Variants in RORA observed in about 807,000 individuals in gnomAD.
RORA encodes RAR related orphan receptor A.
Under a neutral mutation model 69.5 loss-of-function variants are expected in RORA, and 7 were observed. The ratio of observed to expected loss-of-function variants is 0.10; its 90% CI spans 0.06 to 0.19. The LOEUF (loss-of-function observed/expected upper bound fraction) is 0.19, where lower values mean the gene tolerates loss of function less well. RORA is among the 10% of genes least tolerant of loss of function. The pLI, the probability that RORA is intolerant of heterozygous loss-of-function variation, is 1.00. For missense variants in RORA, 457 were observed against 663.0 expected (o/e 0.69, Z 3.41); for synonymous variants, 261 against 240.8 (o/e 1.08, Z -0.78).
At chr15:61,146,292 C>G (rs2079348017) in intron 1 of RORA, among the ~76,000 whole-genome samples, 1 of 150,006 alleles carries the variant, frequency 6.7e-6, no homozygotes, top group African/African-American at 2.5e-5. Context: ...TCACTGCCGA[C>G]CATCTGTTGT....
chr15:60,987,387 G>C (rs928703100), intron 1 of RORA, among the ~76,000 whole-genome samples: 9 of 152,142 alleles, frequency 5.9e-5, no homozygotes, highest in Non-Finnish European at 1.3e-4. Flanking sequence ...AAACAGTACT[G>C]CATGATGGGA....
intron 1 of RORA, among the ~76,000 whole-genome samples, chr15:61,043,760 G>A (rs1896893819): frequency 6.6e-6 from 1 of 152,146 alleles, no homozygotes; most frequent in Non-Finnish European, 1.5e-5. Flanking sequence ...GAAGGCAGGA[G>A]GCAAGGAAGC....
intron 1 of RORA, among the ~76,000 whole-genome samples, chr15:60,796,683 T>G (rs1450645388): frequency 1.3e-5 from 2 of 152,184 alleles, no homozygotes; most frequent in South Asian, 4.2e-4. Context: ...CACTCCTAGG[T>G]ATATACCCAA....
At chr15:60,558,844 TTGAC>T (rs1237117627) in intron 2 of RORA, among the ~76,000 whole-genome samples, 6 of 141,980 alleles carry the variant, frequency 4.2e-5, no homozygotes, top group African/African-American at 9.1e-5. Context: ...ATTTTTGGCT[TTGAC>T]TGTGCCAATC....
chr15:61,039,237 T>C (rs1237033007), intron 1 of RORA: 1 of 152,182 alleles, frequency 6.6e-6, no homozygotes, highest in Non-Finnish European at 1.5e-5. Flanking sequence ...ATGGACTGAA[T>C]TCCCTAAAAA....
chr15:61,027,021 C>G (rs1255726085), intron 1 of RORA, among the ~76,000 whole-genome samples: 2 of 150,290 alleles, frequency 1.3e-5, no homozygotes, highest in Non-Finnish European at 3.0e-5. Context: ...AAAAAAAAAG[C>G]TGTTGAATTT....
intron 1 of RORA, among the ~76,000 whole-genome samples, chr15:60,852,876 T>G (rs2073340691): frequency 6.6e-6 from 1 of 152,116 alleles, no homozygotes; most frequent in African/African-American, 2.4e-5. Flanking sequence ...AAGTGCCTGA[T>G]TCATCTCATG....
chr15:60,516,403 T>C (rs1474482927), intron 3 of RORA, among the ~76,000 whole-genome samples: 1 of 148,100 alleles, frequency 6.8e-6, no homozygotes, highest in South Asian at 2.1e-4. Context: ...TATCTTTTTA[T>C]TGCTCATTTA....
chr15:61,050,416 T>A (rs995629804), intron 1 of RORA, among the ~76,000 whole-genome samples: 4 of 152,240 alleles, frequency 2.6e-5, no homozygotes, highest in Admixed American at 2.6e-4. Flanking sequence ...ATTGAGAAGT[T>A]TTCCATGGTT....
At chr15:61,054,544 C>G (rs1223611297) in intron 1 of RORA, among the ~76,000 whole-genome samples, 1 of 152,168 alleles carries the variant, frequency 6.6e-6, no homozygotes, top group Admixed American at 6.5e-5. Context: ...CAAGAAACAT[C>G]AGGCCTTTTG....
Position 60,536,780 on chromosome 15 carries a change from T to C in RORA, c.197-4929A>G, listed in dbSNP as rs563832106. 1.4e-4 allele frequency among the ~76,000 whole-genome samples: 21 copies of C among 152,394 alleles called. No individual in the cohort carries two copies. In the East Asian group the frequency reaches 3.9e-3, roughly 28 times the overall value. ...TATGAGAACATGTCTGTCATACTTATGAATGTCAACCAATTTTGTGTGTCT... is the reference window on the plus strand; with the variant it reads ...TATGAGAACATGTCTGTCATACTTACGAATGTCAACCAATTTTGTGTGTCT... On this transcript the variant is annotated intron_variant, in intron 2 of 10. Transcript: ENST00000335670.
chr15:60,739,669 A>G (rs569160804), intron 1 of RORA, among the ~76,000 whole-genome samples: 55 of 152,232 alleles, frequency 3.6e-4, no homozygotes, highest in African/African-American at 1.3e-3. Flanking sequence ...ACTTCTCTCA[A>G]TGCCCCACTT....
At chr15:60,957,162 C>A (rs758871429) in intron 1 of RORA, among the ~76,000 whole-genome samples, 1 of 152,160 alleles carries the variant, frequency 6.6e-6, no homozygotes, top group Non-Finnish European at 1.5e-5. Context: ...AGGAGACAGA[C>A]GGGTAGAATG....
intron 1 of RORA, among the ~76,000 whole-genome samples, chr15:60,941,954 C>G (rs1892710173): frequency 6.6e-6 from 1 of 152,104 alleles, no homozygotes; most frequent in Non-Finnish European, 1.5e-5. Context: ...TTTGCATTAC[C>G]CACCAGTCCA....
At chr15:60,959,815 T>C (rs757757284) in intron 1 of RORA, among the ~76,000 whole-genome samples, 1 of 152,136 alleles carries the variant, frequency 6.6e-6, no homozygotes, top group Admixed American at 6.6e-5. Flanking sequence ...AGAAGGCTTT[T>C]TTTTGTTTTG....
At chr15:60,519,460 C>T (rs974432526) in intron 3 of RORA, among the ~76,000 whole-genome samples, 1 of 152,158 alleles carries the variant, frequency 6.6e-6, no homozygotes, top group Non-Finnish European at 1.5e-5. Flanking sequence ...AGTTTAACTC[C>T]AGAACTTACA....
At chr15:60,816,815 G>T (rs1341475006) in intron 1 of RORA, among the ~76,000 whole-genome samples, 1 of 151,890 alleles carries the variant, frequency 6.6e-6, no homozygotes, top group East Asian at 1.9e-4. Context: ...TCTGTTATTA[G>T]GTGCTATATG....
intron 1 of RORA, among the ~76,000 whole-genome samples, chr15:60,821,120 G>A (rs2072887693): frequency 6.6e-6 from 1 of 152,092 alleles, no homozygotes; most frequent in Admixed American, 6.5e-5. Context: ...GCCAACATTG[G>A]CTCCTTCCAC....
intron 1 of RORA, among the ~76,000 whole-genome samples, chr15:61,206,552 A>T (rs1001215025): frequency 1.3e-5 from 2 of 152,214 alleles, no homozygotes; most frequent in Non-Finnish European, 2.9e-5. Flanking sequence ...ACCATAATAT[A>T]GGCCCAAATA....
Sources: gnomAD v4.1 joint callset for allele counts (sites outside exome capture counted in the v4.1 genomes callset) on GRCh38, gnomAD v4.1.1 for gene constraint, MANE v1.5 for transcripts, NCBI Gene and HGNC (gene_info 2026-07-23, HGNC 2026-07-21) for gene names.